Variants in PRKN observed in about 807,000 individuals in gnomAD.
The protein encoded by PRKN is parkin RBR E3 ubiquitin protein ligase.
In PRKN, 56 loss-of-function variants were observed where a neutral mutation model predicts 59.5. The ratio of observed to expected loss-of-function variants is 0.94; its 90% CI spans 0.76 to 1.18. PRKN has a LOEUF of 1.18. PRKN is among the 50% of genes most tolerant of loss of function. The pLI, the probability that PRKN is intolerant of heterozygous loss-of-function variation, is 0.00. For missense variants in PRKN, 657 were observed against 596.4 expected (o/e 1.10, Z -1.06); for synonymous variants, 250 against 222.1 (o/e 1.13, Z -1.12).
At chr6:162,321,523 T>G (rs191566709) in intron 2 of PRKN, among the ~76,000 whole-genome samples, 1 of 151,844 alleles carries the variant, frequency 6.6e-6, no homozygotes, top group African/African-American at 2.4e-5. Context: ...TCCAATTTAT[T>G]TTTTTTCAGC....
chr6:162,716,826 A>G (rs1218863930), intron 1 of PRKN, among the ~76,000 whole-genome samples: 1 of 151,710 alleles, frequency 6.6e-6, no homozygotes, highest in Non-Finnish European at 1.5e-5. Context: ...CATGTGTAAC[A>G]CTACTGCATT....
intron 7 of PRKN, among the ~76,000 whole-genome samples, chr6:161,677,984 T>G (rs1462530391): frequency 6.6e-6 from 1 of 152,144 alleles, no homozygotes; most frequent in Non-Finnish European, 1.5e-5. Flanking sequence ...GTTGGCTATT[T>G]TGTAAATAGT....
chr6:161,553,724 A>G (rs918240097), intron 8 of PRKN, among the ~76,000 whole-genome samples: 73 of 152,180 alleles, frequency 4.8e-4, no homozygotes, highest in Non-Finnish European at 2.2e-4. Context: ...TTCAATGAAC[A>G]TTTATAAACT....
chr6:161,742,265 C>T (rs1440817477), intron 7 of PRKN, among the ~76,000 whole-genome samples: 2 of 152,124 alleles, frequency 1.3e-5, no homozygotes, highest in Non-Finnish European at 2.9e-5. Context: ...CCACTGCGCC[C>T]AGCCCTGATG....
rs189191106 is a variant in PRKN at position 161,839,835 on chromosome 6, C to T, written c.735-53927G>A. Among the ~76,000 whole-genome samples the T allele has an allele frequency of 1.1e-4, 16 of 152,294 alleles. No individual in the cohort carries two copies. The East Asian group carries it at 2.1e-3, about 20-fold the overall frequency. ...CTGAGCAAATCAGAAGGCACATACC[C>T]GTGTGCAAATACACAAAATGTATCC... On this transcript the variant is annotated intron_variant, in intron 6 of 11. Coordinates refer to ENST00000366898, the MANE Select transcript of PRKN (RefSeq NM_004562.3).
intron 7 of PRKN, among the ~76,000 whole-genome samples, chr6:161,636,265 T>C (rs1274410964): frequency 1.3e-5 from 2 of 152,240 alleles, no homozygotes; most frequent in East Asian, 1.9e-4. Flanking sequence ...CTGTGCAGGA[T>C]GTGCATATTT....
In PRKN at chr6:161,445,972, G is replaced by C. The variant is rs116614249; in HGVS notation, c.1084-59095C>G. Among the ~76,000 whole-genome samples the C allele has an allele frequency of 6.6e-6, 1 of 152,092 alleles. No individual in the cohort carries two copies. The highest frequency in any genetic ancestry group is 1.5e-5 in the Non-Finnish European group (1 of 68,022). On this transcript the variant is annotated intron_variant, in intron 9 of 11. Coordinates refer to ENST00000366898, the MANE Select transcript of PRKN (RefSeq NM_004562.3). The surrounding 1 kb of genome is among the most constrained non-coding windows in gnomAD (Gnocchi z 7.7). ...AGAGGGCAGCAGCATAAACAAAGAG[G>C]AGAGGCAAACTGTTTGAGCCCAGGA...
At chr6:162,433,793 C>T (rs1432612544) in intron 2 of PRKN, among the ~76,000 whole-genome samples, 1 of 152,106 alleles carries the variant, frequency 6.6e-6, no homozygotes, top group Non-Finnish European at 1.5e-5. Flanking sequence ...ATATGTAAGC[C>T]TATAAAAATG....
At position 162,080,391 on chromosome 6, in the gene PRKN, AATGTTAGT is replaced by A. The variant is rs547920578; in HGVS notation, c.535-26225_535-26218del. On this transcript the variant is annotated intron_variant, in intron 4 of 11. Transcript: ENST00000366898. Reference sequence around the variant, plus strand: ...GTTCTTTTCCGCCCTAAAACACTGTAATGTTAGTTACAGGCATAAGTTGGAGATACTGT... The same window carrying A: ...GTTCTTTTCCGCCCTAAAACACTGTATACAGGCATAAGTTGGAGATACTGT... Among the ~76,000 whole-genome samples, 455 of 152,176 alleles carry A rather than the reference AATGTTAGT, an allele frequency of 3.0e-3. 7 individuals carry two copies. The highest frequency in any genetic ancestry group is 0.011 in the African/African-American group (442 of 41,462).
rs77017433 is a variant in PRKN, at chr6:161,357,602, A to T, written c.1285+2486T>A. On this transcript the variant is annotated intron_variant, in intron 11 of 11. Coordinates refer to ENST00000366898, the MANE Select transcript of PRKN (RefSeq NM_004562.3). This position sits in a 1 kb window ranked among gnomAD's most constrained non-coding sequence, Gnocchi z 5.5. ...CACATGTTTATTACAGAAAAGCATAAAAAGAAATAAAGTCCTCTTTGGTCC... is the reference window on the plus strand; with the variant it reads ...CACATGTTTATTACAGAAAAGCATATAAAGAAATAAAGTCCTCTTTGGTCC... Among the ~76,000 whole-genome samples, 1,118 of 152,344 alleles carry T rather than the reference A, an allele frequency of 7.3e-3. 8 individuals are homozygous for T. Among genetic ancestry groups the T allele is most frequent in the Middle Eastern group, 0.071 (21 of 294 alleles).
At chr6:161,536,615 C>T (rs565596378) in intron 9 of PRKN, among the ~76,000 whole-genome samples, 3 of 152,258 alleles carry the variant, frequency 2.0e-5, no homozygotes, top group South Asian at 2.1e-4. Flanking sequence ...TCTGTTTGTA[C>T]AGGGAAGGTG....
chr6:161,933,825 T>C (rs960311439), intron 6 of PRKN, among the ~76,000 whole-genome samples: 13 of 151,952 alleles, frequency 8.6e-5, no homozygotes, highest in Non-Finnish European at 1.9e-4. Context: ...AAAGTTTCTG[T>C]CTGTCCTACA....
chr6:161,932,115 T>C (rs904616760), intron 6 of PRKN, among the ~76,000 whole-genome samples: 2 of 152,024 alleles, frequency 1.3e-5, no homozygotes, highest in Admixed American at 6.6e-5. Flanking sequence ...AAAATATTTT[T>C]ATTATAAAAA....
At chr6:162,304,123 T>C (rs939426102) in intron 2 of PRKN, among the ~76,000 whole-genome samples, 1 of 151,448 alleles carries the variant, frequency 6.6e-6, no homozygotes, top group East Asian at 1.9e-4. Flanking sequence ...TGATTATAAT[T>C]CATTTGGAAT....
chr6:162,672,166 C>CA (rs981139749), intron 1 of PRKN, among the ~76,000 whole-genome samples: 8 of 150,832 alleles, frequency 5.3e-5, no homozygotes, highest in Non-Finnish European at 1.2e-4. Context: ...ACTCCTAGCT[C>CA]AAAAAAACAA....
At chr6:162,086,715 C>T (rs192254447) in intron 4 of PRKN, among the ~76,000 whole-genome samples, 154 of 152,244 alleles carry the variant, frequency 1.0e-3, no homozygotes, top group African/African-American at 3.7e-3. Flanking sequence ...TGGGAGAATG[C>T]TAGCAGCTCT....
chr6:162,104,757 A>C (rs1447765240), intron 4 of PRKN, among the ~76,000 whole-genome samples: 1 of 152,204 alleles, frequency 6.6e-6, no homozygotes, highest in African/African-American at 2.4e-5. Flanking sequence ...AAAGTCAAGA[A>C]ATGTTTCAGG....
chr6:161,349,586 G>C lies in PRKN; in HGVS notation c.*513C>G. 4.1e-6 allele frequency: 1 copy of C among 242,126 alleles called. No homozygotes were observed. The highest frequency in any genetic ancestry group is 8.1e-6 in the Non-Finnish European group (1 of 123,094). The allele number at this position is 242,126 out of a possible 1,614,324, so 15.0% of individuals were successfully genotyped here. A position where few individuals can be genotyped will look rare whatever the true frequency, so the allele number is the denominator to read the frequency against. On this transcript the variant is annotated 3_prime_UTR_variant, in exon 12 of 12. Coordinates refer to ENST00000366898, the MANE Select transcript of PRKN (RefSeq NM_004562.3). This position sits in a 1 kb window ranked among gnomAD's most constrained non-coding sequence, Gnocchi z 5.5. ...ATAAGAACATTACTGTTAAAGCCAT[G>C]AATCTAGTTTGGAGAACCCACTGCA...
chr6:161,806,853 T>C (rs1791348448), intron 6 of PRKN, among the ~76,000 whole-genome samples: 1 of 152,206 alleles, frequency 6.6e-6, no homozygotes, highest in Non-Finnish European at 1.5e-5. Flanking sequence ...GATATTAAGC[T>C]GTAAAGAGAG....
Sources: gnomAD v4.1 joint callset for allele counts (sites outside exome capture counted in the v4.1 genomes callset) on GRCh38, gnomAD v4.1.1 for gene constraint, Gnocchi (gnomAD v3.1) non-coding constraint, MANE v1.5 for transcripts, NCBI Gene and HGNC (gene_info 2026-07-23, HGNC 2026-07-21) for gene names.